LHFPL6: variants seen among roughly 807,000 people sequenced by gnomAD.
LHFPL6 encodes LHFPL tetraspan subfamily member 6, also known as LHFPL tetraspan subfamily member 6 protein.
LHFPL6 carries 9 observed loss-of-function variants against 20.6 expected under a neutral mutation model. The observed-to-expected ratio is 0.44, with a 90% CI of 0.26 to 0.76. The LOEUF (loss-of-function observed/expected upper bound fraction) is 0.76. Ranked by LOEUF, LHFPL6 falls within the 30% of genes least tolerant of loss-of-function variation. The pLI, the probability that LHFPL6 is intolerant of heterozygous loss-of-function variation, is 0.20. For synonymous variants in LHFPL6, 105 were observed against 98.7 expected (o/e 1.06, Z -0.38); for missense variants, 218 against 253.5 (o/e 0.86, Z 0.95).
At chr13:39,473,814 C>A (rs1183037287) in intron 2 of LHFPL6, among the ~76,000 whole-genome samples, 9 of 152,168 alleles carry the variant, frequency 5.9e-5, no homozygotes, top group Non-Finnish European at 1.2e-4. Flanking sequence ...CTGAATAAAA[C>A]CATCAATGCT....
chr13:39,449,392 G>T (rs1034707136), intron 2 of LHFPL6, among the ~76,000 whole-genome samples: 4 of 152,128 alleles, frequency 2.6e-5, no homozygotes, highest in Non-Finnish European at 5.9e-5. Flanking sequence ...CCTGGTCAAG[G>T]GTGTGAATGG....
intron 2 of LHFPL6, among the ~76,000 whole-genome samples, chr13:39,412,690 C>T (rs1871260455): frequency 6.6e-6 from 1 of 152,076 alleles, no homozygotes; most frequent in African/African-American, 2.4e-5. Context: ...TTTGGGAGGC[C>T]AAGGCGGGTG....
chr13:39,498,151 T>C (rs1449618283), intron 2 of LHFPL6, among the ~76,000 whole-genome samples: 1 of 152,254 alleles, frequency 6.6e-6, no homozygotes, highest in Non-Finnish European at 1.5e-5. Flanking sequence ...TATTTTACTC[T>C]GCTTCTGGTG....
At position 39,442,442 on chromosome 13, in the gene LHFPL6, T is replaced by G. The variant is rs1045281655; in HGVS notation, c.386-63916A>C. On this transcript the variant is annotated intron_variant, in intron 2 of 3. Coordinates refer to ENST00000379589, the MANE Select transcript of LHFPL6 (RefSeq NM_005780.3). Reference sequence around the variant, plus strand: ...TGGAGAAACTTTCTGGTGAGATTCATGTTCACATTTAAAATATCACTATAA... The same window carrying G: ...TGGAGAAACTTTCTGGTGAGATTCAGGTTCACATTTAAAATATCACTATAA... 5.9e-5 allele frequency among the ~76,000 whole-genome samples: 9 copies of G among 152,302 alleles called. No homozygotes were observed. The East Asian group carries it at 1.7e-3, about 29-fold the overall frequency.
chr13:39,406,266 T>G (rs1243902869), intron 2 of LHFPL6, among the ~76,000 whole-genome samples: 1 of 152,188 alleles, frequency 6.6e-6, no homozygotes, highest in East Asian at 1.9e-4. Context: ...TGTATGACTT[T>G]TTGTGCACAG....
At chr13:39,395,016 T>G (rs1037523587) in intron 2 of LHFPL6, among the ~76,000 whole-genome samples, 11 of 152,130 alleles carry the variant, frequency 7.2e-5, no homozygotes, top group African/African-American at 2.2e-4. Context: ...ATTGGCCCCA[T>G]GGACTCCCCA....
At chr13:39,503,088 A>C in intron 2 of LHFPL6, among the ~76,000 whole-genome samples, 1 of 152,192 alleles carries the variant, frequency 6.6e-6, no homozygotes, top group East Asian at 1.9e-4. Flanking sequence ...CAATCCATAC[A>C]TATGTGAGTC....
At position 39,508,871 on chromosome 13, in the gene LHFPL6, G is replaced by C. The variant is rs531629553; in HGVS notation, c.385+91961C>G. ...TTAGTAGATACCTATGAATGGACTG[G>C]CTCGGGTAATACAGTATATATGTAT... On this transcript the variant is annotated intron_variant, in intron 2 of 3. Coordinates refer to ENST00000379589, the MANE Select transcript of LHFPL6 (RefSeq NM_005780.3). Among the ~76,000 whole-genome samples, 5 of 152,240 alleles carry C rather than the reference G, an allele frequency of 3.3e-5. No individual in the cohort carries two copies. The East Asian group carries it at 9.6e-4, about 29-fold the overall frequency.
chr13:39,583,544 A>T (rs554650851), intron 2 of LHFPL6, among the ~76,000 whole-genome samples: 1 of 152,236 alleles, frequency 6.6e-6, no homozygotes, highest in African/African-American at 2.4e-5. Flanking sequence ...TACACATTCA[A>T]ATAATATGTA....
intron 2 of LHFPL6, among the ~76,000 whole-genome samples, chr13:39,569,224 A>T (rs566866437): frequency 1.3e-5 from 2 of 152,084 alleles, no homozygotes; most frequent in South Asian, 4.2e-4. Flanking sequence ...AAACATCAGA[A>T]TTGTTATTGG....
intron 2 of LHFPL6, among the ~76,000 whole-genome samples, chr13:39,433,967 G>A (rs148326688): frequency 6.6e-6 from 1 of 152,274 alleles, no homozygotes; most frequent in Admixed American, 6.5e-5. Context: ...ATAGCAAAGA[G>A]CCTGCTATCT....
At chr13:39,597,876 T>A (rs1434242333) in intron 2 of LHFPL6, among the ~76,000 whole-genome samples, 1 of 152,244 alleles carries the variant, frequency 6.6e-6, no homozygotes, top group African/African-American at 2.4e-5. Flanking sequence ...TCCTTTAACT[T>A]GTTCCAAAGT....
At chr13:39,510,176 A>C (rs1869639744) in intron 2 of LHFPL6, among the ~76,000 whole-genome samples, 1 of 152,228 alleles carries the variant, frequency 6.6e-6, no homozygotes, top group African/African-American at 2.4e-5. Flanking sequence ...GTCCTATACA[A>C]TCAAAGCACT....
At chr13:39,562,369 T>TATATAC (rs1871513215) in intron 2 of LHFPL6, among the ~76,000 whole-genome samples, 2 of 98,754 alleles carry the variant, frequency 2.0e-5, no homozygotes, top group African/African-American at 3.6e-5. Flanking sequence ...TACATATACA[T>TATATAC]ATATACATAT....
intron 2 of LHFPL6, among the ~76,000 whole-genome samples, chr13:39,452,521 G>T (rs531539049): frequency 5.8e-4 from 88 of 152,306 alleles, no homozygotes; most frequent in Middle Eastern, 6.8e-3. Context: ...AATGTAAAGT[G>T]GAGCAGTAGG....
chr13:39,385,747 A>T (rs1870548067), intron 2 of LHFPL6, among the ~76,000 whole-genome samples: 1 of 152,192 alleles, frequency 6.6e-6, no homozygotes, highest in Non-Finnish European at 1.5e-5. Flanking sequence ...GACTATTAAC[A>T]TAACAATTCA....
intron 2 of LHFPL6, among the ~76,000 whole-genome samples, chr13:39,548,376 C>T (rs1871042645): frequency 6.6e-6 from 1 of 151,892 alleles, no homozygotes; most frequent in Admixed American, 6.6e-5. Context: ...ATTAAAGAAC[C>T]ACCTGGATGT....
chr13:39,452,585 G>A (rs1367893536), intron 2 of LHFPL6, among the ~76,000 whole-genome samples: 1 of 152,144 alleles, frequency 6.6e-6, no homozygotes, highest in Non-Finnish European at 1.5e-5. Context: ...ATGGAGTGTG[G>A]GGTGACAGGA....
intron 2 of LHFPL6, among the ~76,000 whole-genome samples, chr13:39,473,962 T>G (rs1472314609): frequency 6.6e-6 from 1 of 152,222 alleles, no homozygotes; most frequent in Non-Finnish European, 1.5e-5. Context: ...GACCATCCAG[T>G]AAATTTCCAA....
Sources: gnomAD v4.1 joint callset for allele counts (sites outside exome capture counted in the v4.1 genomes callset) on GRCh38, gnomAD v4.1.1 for gene constraint, MANE v1.5 for transcripts, NCBI Gene and HGNC (gene_info 2026-07-23, HGNC 2026-07-21) for gene names.